Variants in ACIN1 observed in about 807,000 individuals in gnomAD.
ACIN1 encodes the protein apoptotic chromatin condensation inducer in the nucleus.
ACIN1 carries 16 observed loss-of-function variants against 146.6 expected under a neutral mutation model. The ratio of observed to expected loss-of-function variants is 0.11; its 90% CI spans 0.07 to 0.17. The LOEUF (loss-of-function observed/expected upper bound fraction) is 0.17, where lower values mean the gene tolerates loss of function less well. ACIN1 is among the 10% of genes least tolerant of loss of function. The pLI, the probability that ACIN1 is intolerant of heterozygous loss-of-function variation, is 1.00. For missense variants in ACIN1, 1,357 were observed against 1,609.3 expected, an observed-to-expected ratio of 0.84 and a Z score of 2.68; for synonymous variants, 569 against 582.7, an observed-to-expected ratio of 0.98 and a Z score of 0.34.
In ACIN1 at chr14:23,063,008, A is replaced by G. The variant is rs1362666169; in HGVS notation, c.2804T>C (p.Ile935Thr). The change falls in exon 14 of 19, where the codon ATT becomes ACT. Residue 935 changes from isoleucine (I) to threonine (T), a missense_variant. Around this residue, in one of 4 missense-constraint regions of ACIN1, gnomAD observed 509 missense variants for 719.6 expected, o/e 0.71. Transcript: ENST00000605057. ...SQQKSGVSIT[I>T]DDPVRTAQVP... Reference sequence around the variant, plus strand: ...CTGGGCAGTTCGGACTGGGTCATCAATGGTAATGGAAACTCCGGACTTCTG... The same window carrying G: ...CTGGGCAGTTCGGACTGGGTCATCAGTGGTAATGGAAACTCCGGACTTCTG... 6.2e-7 allele frequency: 1 copy of G among 1,614,000 alleles called. No individual in the cohort carries two copies. The highest frequency in any genetic ancestry group is 1.7e-5 in the Admixed American group (1 of 59,954).
At chr14:23,092,437 T>C (rs79443786) in intron 2 of ACIN1, among the ~76,000 whole-genome samples, 6,804 of 152,276 alleles carry the variant, frequency 0.045, 196 homozygotes, top group East Asian at 0.13. Context: ...GGAATACAAT[T>C]AAGCTGATTA....
intron 10 of ACIN1, among the ~76,000 whole-genome samples, chr14:23,065,325 C>T (rs2047418746): frequency 6.6e-6 from 1 of 152,226 alleles, no homozygotes; most frequent in Non-Finnish European, 1.5e-5. Flanking sequence ...CGATGGCTCA[C>T]GCCTGTAATC....
At chr14:23,092,266 G>A (rs958355294) in intron 2 of ACIN1, among the ~76,000 whole-genome samples, 9 of 152,152 alleles carry the variant, frequency 5.9e-5, no homozygotes, top group African/African-American at 2.2e-4. Context: ...CCTAAACATA[G>A]TAAAGGTTTA....
chr14:23,059,576 T>C (rs1025025869), intron 18 of ACIN1, 102 bp from the exon 19 acceptor site: 15 of 880,274 alleles, frequency 1.7e-5, no homozygotes, highest in Non-Finnish European at 2.6e-5. Context: ...AGCTTTTCAG[T>C]TAAACAGGAA....
rs1670834179 is a variant in ACIN1 at position 23,068,419 on chromosome 14, G to C, written c.2265+1057C>G. 1.0e-6 allele frequency: 1 copy of C among 985,818 alleles called. No individual in the cohort carries two copies. The highest frequency in any genetic ancestry group is 1.2e-6 in the Non-Finnish European group (1 of 829,932). 61.1% of individuals were successfully genotyped at this position (985,818 alleles called of 1,614,324 possible). A position where few individuals can be genotyped will look rare whatever the true frequency, so the allele number is the denominator to read the frequency against. ...GTCCACCCCTTTCCAAATGTTTTTT[G>C]CTTGCTCAATACAAGTCTCTCCAGA... On this transcript the variant is annotated intron_variant, in intron 9 of 18. Transcript: ENST00000605057. The surrounding 1 kb of genome is among the most constrained non-coding windows in gnomAD (Gnocchi z 4.3).
rs767441414 is a variant in ACIN1 at position 23,091,357 on chromosome 14, GGGA to G, written c.205-727_205-725del. 7.9e-5 allele frequency among the ~76,000 whole-genome samples: 12 copies of G among 152,010 alleles called. No homozygotes were observed. In the East Asian group the frequency reaches 1.2e-3, roughly 15 times the overall value. On this transcript the variant is annotated intron_variant, in intron 2 of 18. Transcript: ENST00000605057. ...CTCACGTCTGTAATCCCAGTACTTT[GGGA>G]GGCTGAAGTGGGAAGACTGCTTGAG...
Position 23,071,280 on chromosome 14 carries a change from C to T in ACIN1, c.2124-1663G>A, listed in dbSNP as rs1036523559. 1.7e-5 allele frequency: 25 copies of T among 1,501,576 alleles called. No individual in the cohort carries two copies. The African/African-American group carries it at 2.8e-4, about 17-fold the overall frequency. 93.0% of individuals were successfully genotyped at this position (1,501,576 alleles called of 1,614,324 possible). ...CCTTCCTTGTTCCAAGATCCCACCA[C>T]CTCCTCCCCAGCCACCCGATCCAGA... On this transcript the variant is annotated intron_variant, in intron 8 of 18. Coordinates refer to ENST00000605057, the MANE Select transcript of ACIN1 (RefSeq NM_001386863.1).
chr14:23,061,245 G>A (rs74565147), intron 17 of ACIN1, 53 bp downstream of exon 17: 158,069 of 1,613,320 alleles, frequency 0.098, 8,847 homozygotes, highest in African/African-American at 0.2. Flanking sequence ...ATCCCATCTG[G>A]GTCCCTTTCC....
intron 18 of ACIN1, among the ~76,000 whole-genome samples, chr14:23,059,900 C>T (rs1185602003): frequency 6.6e-6 from 1 of 151,802 alleles, no homozygotes; most frequent in African/African-American, 2.4e-5. Flanking sequence ...CGTGATCCGC[C>T]CGCCTCAGGC....
At chr14:23,061,023 C>G in intron 18 of ACIN1, 61 bp downstream of exon 18, 1 of 1,504,850 alleles carries the variant, frequency 6.6e-7, no homozygotes, top group South Asian at 1.1e-5. Flanking sequence ...ATGAATCTCC[C>G]CTCACCCTGA....
intron 8 of ACIN1, 31 bp from the exon 9 acceptor site, chr14:23,069,648 G>GGGCC: frequency 1.7e-6 from 1 of 589,376 alleles, no homozygotes; most frequent in South Asian, 1.5e-5. Context: ...TGGTGGGGGG[G>GGGCC]CGGGCAGAAA....
intron 4 of ACIN1, among the ~76,000 whole-genome samples, chr14:23,083,618 G>A (rs777429830): frequency 2.0e-5 from 3 of 152,136 alleles, no homozygotes; most frequent in Admixed American, 6.5e-5. Context: ...TGTAGTCCCA[G>A]CTACTCAGGA....
rs779386360 is a variant in ACIN1 at position 23,068,980 on chromosome 14, A to G, written c.2265+496T>C. On this transcript the variant is annotated intron_variant, in intron 9 of 18. Transcript: ENST00000605057. The surrounding 1 kb of genome is among the most constrained non-coding windows in gnomAD (Gnocchi z 4.3). ...CTGAGAATGGGCCTTCCGGATCACA[A>G]GTGCTGGCTTCTAAGTAGCTACATC... The G allele has an allele frequency of 7.2e-6, 7 of 974,006 alleles. No homozygotes were observed. Among genetic ancestry groups the G allele is most frequent in the Non-Finnish European group, 8.4e-6 (7 of 829,898 alleles). 60.3% of individuals were successfully genotyped at this position (974,006 alleles called of 1,614,324 possible). A position where few individuals can be genotyped will look rare whatever the true frequency, so the allele number is the denominator to read the frequency against.
At position 23,063,460 on chromosome 14, in the gene ACIN1, G is replaced by C; in HGVS notation, c.2713C>G (p.Pro905Ala). 6.2e-7 allele frequency: 1 copy of C among 1,614,136 alleles called. No individual in the cohort carries two copies. Among genetic ancestry groups the C allele is most frequent in the Non-Finnish European group, 8.5e-7 (1 of 1,180,018 alleles). Residue 905 changes from proline (P) to alanine (A), a missense_variant, in exon 13 of 19, where the codon CCT becomes GCT. Physicochemically the swap from Pro to Ala is conservative, Grantham distance 27. This residue lies in a region of ACIN1 where 509 missense variants were observed against 719.6 expected (regional missense o/e 0.71). Transcript: ENST00000605057. ...CCTTTCTTTACTTCATGCTCTGCAG[G>C]TGGGGGCAAGGCCACCTCTACTGAC... ...QVSVEVALPP[P>A]AEHEVKKVTL...
intron 8 of ACIN1, chr14:23,071,079 C>A: frequency 6.5e-7 from 1 of 1,530,188 alleles, no homozygotes; most frequent in Non-Finnish European, 8.8e-7. Context: ...ACGAAGGGAG[C>A]TAGGGCGGCG....
At chr14:23,094,491 A>G in intron 1 of ACIN1, 1 of 984,806 alleles carries the variant, frequency 1.0e-6, no homozygotes, top group South Asian at 4.7e-5. Flanking sequence ...TCTTCATCTC[A>G]CCTCCTCATC....
At chr14:23,063,976 T>C in intron 12 of ACIN1, 129 bp downstream of exon 12, 1 of 1,252,880 alleles carries the variant, frequency 8.0e-7, no homozygotes, top group South Asian at 1.5e-5. Context: ...CCCCTGAAAG[T>C]GTCAGTCAAC....
intron 9 of ACIN1, chr14:23,069,158 T>C: frequency 9.5e-7 from 1 of 1,049,842 alleles, no homozygotes. Context: ...CAGGAGAAGC[T>C]TGGGAAGACA....
chr14:23,069,196 A>G (rs2047551279), intron 9 of ACIN1: 2 of 1,136,614 alleles, frequency 1.8e-6, no homozygotes. Flanking sequence ...TAAATCTTAG[A>G]TAAAGGGCCA....
Sources: allele counts gnomAD v4.1 joint callset (sites outside exome capture counted in the v4.1 genomes callset), GRCh38; gene constraint gnomAD v4.1.1; regional missense constraint gnomAD v4.1.1; non-coding constraint Gnocchi (gnomAD v3.1); transcripts MANE v1.5; gene names NCBI Gene and HGNC (gene_info 2026-07-23, HGNC 2026-07-21).